TRMT11: variants seen among roughly 807,000 people sequenced by gnomAD.
TRMT11 encodes tRNA methyltransferase 11, also known as tRNA (guanine(10)-N(2))-methyltransferase TRMT11.
Under a neutral mutation model 62.8 loss-of-function variants are expected in TRMT11, and 53 were observed. The ratio of observed to expected loss-of-function variants is 0.84; its 90% CI spans 0.68 to 1.06. The LOEUF (loss-of-function observed/expected upper bound fraction) is 1.06, where lower values mean the gene tolerates loss of function less well. Among genes scored for constraint, TRMT11 ranks in the 50% least tolerant of loss-of-function variants. The probability of loss-of-function intolerance (pLI) is 0.00; values close to 1 mark genes in which losing one functional copy is unlikely to be tolerated. For synonymous variants in TRMT11, 188 were observed against 190.3 expected (o/e 0.99, Z 0.10); for missense variants, 556 against 553.4 (o/e 1.00, Z -0.05).
chr6:126,045,859 G>C lies in TRMT11; in HGVS notation c.*1369+5014G>C, dbSNP rs552764042. On this transcript the variant is annotated intron_variant and NMD_transcript_variant, in intron 16 of 22. Coordinates refer to the TRMT11 transcript ENST00000648977. ...TTTTATGGCTCAGCTCCTCCTGGCA[G>C]TCTGTCATGCCAGACTTAATATCCA... Among the ~76,000 whole-genome samples, 11 of 152,284 alleles carry C rather than the reference G, an allele frequency of 7.2e-5. No homozygotes were observed. The South Asian group carries it at 1.2e-3, about 17-fold the overall frequency.
chr6:126,066,776 C>T (rs1013579148), intron 17 of TRMT11, among the ~76,000 whole-genome samples: 7 of 152,108 alleles, frequency 4.6e-5, no homozygotes, highest in Non-Finnish European at 1.0e-4. Context: ...GGACAAGTCA[C>T]ATGGCTTATC....
Position 126,008,408 on chromosome 6 carries a change from A to T in TRMT11, c.696A>T (p.Ala232=). The T allele has an allele frequency of 1.2e-6, 2 of 1,613,124 alleles. No individual in the cohort carries two copies. The highest frequency in any genetic ancestry group is 1.7e-6 in the Non-Finnish European group (2 of 1,179,222). The change falls in exon 8 of 13, where the codon GCA becomes GCT. Residue 232 remains alanine, a synonymous_variant. Coordinates refer to ENST00000334379, the MANE Select transcript of TRMT11 (RefSeq NM_001031712.3). ...ATTTTTCAGGTGGCCTGCTGATAGCATGTGCTCATTTTGGTGCATATGTGT... is the reference window on the plus strand; with the variant it reads ...ATTTTTCAGGTGGCCTGCTGATAGCTTGTGCTCATTTTGGTGCATATGTGT... ...PFVGTGGLLI[A]CAHFGAYVYG...
At chr6:126,193,008 A>G (rs1182669555) in intron 1 of TRMT11, among the ~76,000 whole-genome samples, 2 of 152,084 alleles carry the variant, frequency 1.3e-5, no homozygotes, top group Non-Finnish European at 2.9e-5. Context: ...TAGAATTGGT[A>G]TTAGTTCTTT....
intron 21 of TRMT11, among the ~76,000 whole-genome samples, chr6:126,139,737 A>T (rs1777894164): frequency 6.6e-6 from 1 of 152,234 alleles, no homozygotes; most frequent in East Asian, 1.9e-4. Flanking sequence ...TTTAAAATGT[A>T]AATAGTATTT....
chr6:126,205,600 TTTACC>T (rs1176507727), downstream of TRMT11, among the ~76,000 whole-genome samples: 1 of 152,068 alleles, frequency 6.6e-6, no homozygotes, highest in East Asian at 1.9e-4. Context: ...TTAAGAAAAA[TTTACC>T]TTAACATAAC....
chr6:126,076,810 A>G (rs1305538716), intron 17 of TRMT11, among the ~76,000 whole-genome samples: 1 of 152,188 alleles, frequency 6.6e-6, no homozygotes, highest in Non-Finnish European at 1.5e-5. Flanking sequence ...GCAGTCAGCT[A>G]ATTACTACCT....
the TRMT11 span, among the ~76,000 whole-genome samples, chr6:126,236,575 G>T: frequency 4.6e-5 from 7 of 152,132 alleles, no homozygotes; most frequent in African/African-American, 1.4e-4. Context: ...AAAAACAGAT[G>T]CACCAGGAAT....
chr6:126,151,846 C>CTTTCTTTCTTTCTTTCTTTG (rs1778051910), intron 21 of TRMT11, among the ~76,000 whole-genome samples: 1 of 130,670 alleles, frequency 7.7e-6, no homozygotes, highest in African/African-American at 2.9e-5. Context: ...TTCTTTCTTT[C>CTTTCTTTCTTTCTTTCTTTG]TTTCTTTCTT....
chr6:126,198,707 A>G (rs1778699967), intron 1 of TRMT11: 1 of 152,260 alleles, frequency 6.6e-6, no homozygotes. Context: ...AAACGTGAGA[A>G]TGTCTTGCAC....
intron 21 of TRMT11, among the ~76,000 whole-genome samples, chr6:126,138,309 C>A (rs749623946): frequency 5.3e-5 from 8 of 151,796 alleles, no homozygotes; most frequent in Non-Finnish European, 1.0e-4. Context: ...AAATAAAAAT[C>A]TTTAAAATCT....
the TRMT11 span, among the ~76,000 whole-genome samples, chr6:126,250,806 T>G: frequency 6.6e-6 from 1 of 152,280 alleles, no homozygotes; most frequent in Non-Finnish European, 1.5e-5. Context: ...ATCAGTGGGC[T>G]TTTTTTCATT....
chr6:126,174,454 C>T (rs1232183580), upstream of TRMT11, among the ~76,000 whole-genome samples: 1 of 152,188 alleles, frequency 6.6e-6, no homozygotes, highest in African/African-American at 2.4e-5. Flanking sequence ...TTCCTTATGG[C>T]ATTCTACCCA....
chr6:126,204,738 A>G (rs547068274), downstream of TRMT11, among the ~76,000 whole-genome samples: 5 of 152,168 alleles, frequency 3.3e-5, no homozygotes, highest in Non-Finnish European at 7.3e-5. Flanking sequence ...TCTATCTGAG[A>G]CTTCTGCCAA....
chr6:126,071,869 T>A (rs1776869397), intron 17 of TRMT11, among the ~76,000 whole-genome samples: 1 of 151,976 alleles, frequency 6.6e-6, no homozygotes, highest in Non-Finnish European at 1.5e-5. Flanking sequence ...ATCTCGAGAG[T>A]TCTTTACAAC....
At chr6:126,251,160 A>T in the TRMT11 span, among the ~76,000 whole-genome samples, 1 of 151,590 alleles carries the variant, frequency 6.6e-6, no homozygotes, top group African/African-American at 2.4e-5. Flanking sequence ...CCTCCTGAGT[A>T]GCTGGGATTA....
intron 17 of TRMT11, among the ~76,000 whole-genome samples, chr6:126,103,855 T>C (rs1291479822): frequency 6.6e-6 from 1 of 152,166 alleles, no homozygotes; most frequent in Non-Finnish European, 1.5e-5. Context: ...CCTATCTCCT[T>C]TGCTATATTC....
chr6:126,069,604 C>T (rs1292698136), intron 17 of TRMT11, among the ~76,000 whole-genome samples: 3 of 152,208 alleles, frequency 2.0e-5, no homozygotes, highest in Non-Finnish European at 4.4e-5. Flanking sequence ...CATCAAGCTG[C>T]GAAGCTGCGT....
At chr6:126,080,508 A>AG (rs1777138767) in intron 17 of TRMT11, among the ~76,000 whole-genome samples, 1 of 152,116 alleles carries the variant, frequency 6.6e-6, no homozygotes, top group Non-Finnish European at 1.5e-5. Flanking sequence ...CCTTGATTGA[A>AG]GGGGAGTCCA....
At chr6:125,995,876 A>G (rs1303338469) in intron 2 of TRMT11, 91 bp from the exon 3 acceptor site, 2 of 771,504 alleles carry the variant, frequency 2.6e-6, no homozygotes, top group Admixed American at 2.1e-5. Flanking sequence ...AAAGTAGCAA[A>G]TAGGCACTTC....
Sources: gnomAD v4.1 joint callset for allele counts (sites outside exome capture counted in the v4.1 genomes callset) on GRCh38, gnomAD v4.1.1 for gene constraint, MANE v1.5 for transcripts, NCBI Gene and HGNC (gene_info 2026-07-23, HGNC 2026-07-21) for gene names.